LRFN5: variants seen among roughly 807,000 people sequenced by gnomAD.
LRFN5 encodes the protein leucine rich repeat and fibronectin type III domain containing 5.
LRFN5 carries 24 observed loss-of-function variants against 45.6 expected under a neutral mutation model. That is an observed-to-expected ratio of 0.53 (90% CI 0.38 to 0.74). The LOEUF (loss-of-function observed/expected upper bound fraction) is 0.74. LRFN5 is among the 30% of genes least tolerant of loss of function. The probability of loss-of-function intolerance (pLI) is 0.00; values close to 1 mark genes in which losing one functional copy is unlikely to be tolerated. For missense variants in LRFN5, 776 were observed against 861.5 expected, an observed-to-expected ratio of 0.90 and a Z score of 1.24; for synonymous variants, 340 against 313.8, an observed-to-expected ratio of 1.08 and a Z score of -0.88.
At chr14:41,673,211 G>C (rs371618028) in intron 1 of LRFN5, among the ~76,000 whole-genome samples, 21 of 151,998 alleles carry the variant, frequency 1.4e-4, no homozygotes, top group African/African-American at 4.1e-4. Flanking sequence ...ATCATGGCCC[G>C]TTCTCAATGA....
chr14:41,874,152 T>C (rs1466196811), intron 2 of LRFN5, among the ~76,000 whole-genome samples: 1 of 152,172 alleles, frequency 6.6e-6, no homozygotes, highest in African/African-American at 2.4e-5. Context: ...GCATGATGAT[T>C]TCATTGCATT....
chr14:41,703,724 A>G (rs1882932269), intron 1 of LRFN5, among the ~76,000 whole-genome samples: 1 of 152,134 alleles, frequency 6.6e-6, no homozygotes, highest in Non-Finnish European at 1.5e-5. Flanking sequence ...ATTTCATGGT[A>G]ACCCTTTGAA....
chr14:41,795,240 C>A (rs952231993), intron 2 of LRFN5, among the ~76,000 whole-genome samples: 1 of 152,004 alleles, frequency 6.6e-6, no homozygotes, highest in Non-Finnish European at 1.5e-5. Flanking sequence ...CCATCTCACA[C>A]CAGTTAGAAT....
intron 2 of LRFN5, among the ~76,000 whole-genome samples, chr14:41,877,203 A>G (rs989016892): frequency 8.5e-5 from 13 of 152,294 alleles, no homozygotes; most frequent in African/African-American, 2.4e-4. Context: ...ATCATATACA[A>G]TGAGAATAAA....
chr14:41,671,617 GTTTTTTTTT>G (rs914212982), intron 1 of LRFN5, among the ~76,000 whole-genome samples: 4 of 78,020 alleles, frequency 5.1e-5, no homozygotes, highest in Non-Finnish European at 9.2e-5. Context: ...TTTTTTTTTC[GTTTTTTTTT>G]TTTTTTTTTT....
At position 41,673,830 on chromosome 14, in the gene LRFN5, A is replaced by T. The variant is rs71409480; in HGVS notation, c.-197+65268A>T. Among the ~76,000 whole-genome samples the T allele has an allele frequency of 5.7e-3, 795 of 138,516 alleles. 17 individuals are homozygous for T. Among genetic ancestry groups the T allele is most frequent in the Non-Finnish European group, 8.5e-3 (541 of 63,354 alleles). 90.9% of individuals were successfully genotyped at this position (138,516 alleles called of 152,430 possible). The stretch of plus-strand genomic sequence containing the variant: ...CCCCCACCTCATTCCCGGATGGGGC[A>T]GATGGCCGGGCGGGGGGCTGAACCC... On this transcript the variant is annotated intron_variant, in intron 1 of 5. Transcript: ENST00000298119.
At chr14:41,675,849 A>G (rs1404460701) in intron 1 of LRFN5, among the ~76,000 whole-genome samples, 1 of 152,152 alleles carries the variant, frequency 6.6e-6, no homozygotes, top group African/African-American at 2.4e-5. Flanking sequence ...AATGATAATC[A>G]CCTAAAGCCT....
chr14:41,804,698 A>T (rs912782500), intron 2 of LRFN5, among the ~76,000 whole-genome samples: 6 of 152,204 alleles, frequency 3.9e-5, no homozygotes, highest in South Asian at 2.1e-4. Flanking sequence ...TAAAGGCAAG[A>T]TGGAGGTTGG....
At chr14:41,722,426 G>A (rs887825063) in intron 1 of LRFN5, among the ~76,000 whole-genome samples, 1 of 152,064 alleles carries the variant, frequency 6.6e-6, no homozygotes, top group Admixed American at 6.5e-5. Context: ...TTGTTTCACT[G>A]CATTCAGATT....
intron 1 of LRFN5, among the ~76,000 whole-genome samples, chr14:41,662,103 C>G (rs1328194738): frequency 6.6e-6 from 1 of 151,966 alleles, no homozygotes. Flanking sequence ...TATGAACTCA[C>G]AGATAACAGG....
At chr14:41,696,929 T>C (rs927098500) in intron 1 of LRFN5, among the ~76,000 whole-genome samples, 1 of 151,964 alleles carries the variant, frequency 6.6e-6, no homozygotes, top group Admixed American at 6.6e-5. Context: ...TCTAATGACA[T>C]GCCTACCTTG....
chr14:41,775,372 C>G (rs1886251730), intron 2 of LRFN5, among the ~76,000 whole-genome samples: 1 of 152,000 alleles, frequency 6.6e-6, no homozygotes, highest in Non-Finnish European at 1.5e-5. Context: ...TACAGGCAAG[C>G]CACCGCACCC....
intron 1 of LRFN5, among the ~76,000 whole-genome samples, chr14:41,629,117 A>G (rs1414602585): frequency 6.6e-6 from 1 of 152,200 alleles, no homozygotes; most frequent in Non-Finnish European, 1.5e-5. Flanking sequence ...TGCAAAAAAA[A>G]TACATTCTGC....
In LRFN5 at chr14:41,891,886, T is replaced by G. The variant is rs1890798215; in HGVS notation, c.2022T>G (p.Thr674=). The change falls in exon 4 of 6, where the codon ACT becomes ACG. Residue 674 remains threonine, a synonymous_variant. Transcript: ENST00000298119. ...ESQNTNRNNS[T]ALQLASRPPD... Reference sequence around the variant, plus strand: ...AAAACACTAACAGGAACAACTCAACTGCCTTGCAGTTAGCTAGCCGTCCTC... The same window carrying G: ...AAAACACTAACAGGAACAACTCAACGGCCTTGCAGTTAGCTAGCCGTCCTC... 6.2e-7 allele frequency: 1 copy of G among 1,614,054 alleles called. No homozygotes were observed. Among genetic ancestry groups the G allele is most frequent in the African/African-American group, 1.3e-5 (1 of 74,922 alleles).
chr14:41,736,675 A>G (rs1459329464), intron 1 of LRFN5, among the ~76,000 whole-genome samples: 1 of 152,182 alleles, frequency 6.6e-6, no homozygotes, highest in East Asian at 1.9e-4. Flanking sequence ...GGACATCACC[A>G]TTGATCCCAC....
chr14:41,840,215 G>T (rs1026311077), intron 2 of LRFN5, among the ~76,000 whole-genome samples: 2 of 151,958 alleles, frequency 1.3e-5, no homozygotes, highest in African/African-American at 4.8e-5. Context: ...ACCTTCAAAA[G>T]TTGCAAAATA....
chr14:41,893,503 C>T (rs12896640), intron 4 of LRFN5: 210,670 of 982,476 alleles, frequency 0.21, 24,117 homozygotes, highest in South Asian at 0.24. Flanking sequence ...TATCTTATGT[C>T]AAGTACTCTT....
At chr14:41,904,122 T>C (rs1455400419) in intron 5 of LRFN5, 36 bp from the exon 6 acceptor site, 1 of 1,525,866 alleles carries the variant, frequency 6.6e-7, no homozygotes, top group Non-Finnish European at 9.0e-7. Flanking sequence ...TCTTCCTTTC[T>C]TTCTTTTTTT....
At chr14:41,793,169 AG>A (rs1886993926) in intron 2 of LRFN5, among the ~76,000 whole-genome samples, 2 of 151,990 alleles carry the variant, frequency 1.3e-5, no homozygotes, top group African/African-American at 4.8e-5. Flanking sequence ...AGAAAAAAAA[AG>A]TATTACTTGA....
Sources: gnomAD v4.1 joint callset for allele counts (sites outside exome capture counted in the v4.1 genomes callset) on GRCh38, gnomAD v4.1.1 for gene constraint, MANE v1.5 for transcripts, NCBI Gene and HGNC (gene_info 2026-07-23, HGNC 2026-07-21) for gene names.